Variants in TMEM132C observed in about 807,000 individuals in gnomAD.
TMEM132C encodes the protein transmembrane protein 132C.
In TMEM132C, 29 loss-of-function variants were observed where a neutral mutation model predicts 61.4. The observed-to-expected ratio is 0.47, with a 90% CI of 0.35 to 0.64. The LOEUF is 0.64. TMEM132C is among the 30% of genes least tolerant of loss of function. The probability of loss-of-function intolerance (pLI) is 0.00; values close to 1 mark genes in which losing one functional copy is unlikely to be tolerated. For missense variants in TMEM132C, 1,408 were observed against 1,476.9 expected (o/e 0.95, Z 0.76); for synonymous variants, 656 against 633.1 (o/e 1.04, Z -0.54).
intron 1 of TMEM132C, among the ~76,000 whole-genome samples, chr12:128,316,747 T>C (rs373514454): frequency 1.3e-5 from 2 of 152,174 alleles, no homozygotes; most frequent in South Asian, 2.1e-4. Flanking sequence ...TCAAGTTAAT[T>C]TTTTTGTCTC....
chr12:128,302,355 G>C, intron 1 of TMEM132C, among the ~76,000 whole-genome samples: 1 of 152,160 alleles, frequency 6.6e-6, no homozygotes, highest in Admixed American at 6.5e-5. Flanking sequence ...ATATTCTATA[G>C]GCAGCAGTAG....
In TMEM132C at chr12:128,296,048, C is replaced by G. The variant is rs181760908; in HGVS notation, c.85+28561C>G. ...CTCCCTTTCTTCCTAGTGTCCAAGTCCCTTTGTCTCTCTTTGTCCCCTATA... is the reference window on the plus strand; with the variant it reads ...CTCCCTTTCTTCCTAGTGTCCAAGTGCCTTTGTCTCTCTTTGTCCCCTATA... On this transcript the variant is annotated intron_variant, in intron 1 of 8. Coordinates refer to ENST00000435159, the MANE Select transcript of TMEM132C (RefSeq NM_001136103.3). 1.7e-3 allele frequency among the ~76,000 whole-genome samples: 257 copies of G among 152,288 alleles called. 2 individuals are homozygous for G. The highest frequency in any genetic ancestry group is 5.8e-3 in the African/African-American group (239 of 41,558).
chr12:128,453,130 C>T (rs529264236), intron 2 of TMEM132C, among the ~76,000 whole-genome samples: 6 of 152,248 alleles, frequency 3.9e-5, no homozygotes, highest in Admixed American at 1.3e-4. Flanking sequence ...TGCAGTGTGA[C>T]GGAGTGTCCC....
intron 1 of TMEM132C, among the ~76,000 whole-genome samples, chr12:128,381,592 C>T (rs1211041929): frequency 1.3e-5 from 2 of 152,124 alleles, no homozygotes; most frequent in African/African-American, 4.8e-5. Context: ...CTCAGTCCTT[C>T]CTAGGGAGTG....
At chr12:128,434,255 C>G (rs1433977534) in intron 2 of TMEM132C, among the ~76,000 whole-genome samples, 1 of 152,180 alleles carries the variant, frequency 6.6e-6, no homozygotes, top group Non-Finnish European at 1.5e-5. Context: ...ATTGCTGGAC[C>G]TCACTCTTAG....
chr12:128,648,569 G>A (rs1475315519), intron 4 of TMEM132C, among the ~76,000 whole-genome samples: 4 of 150,980 alleles, frequency 2.6e-5, no homozygotes, highest in African/African-American at 9.8e-5. Flanking sequence ...TGTGTTTACT[G>A]GAGTCCATCA....
At chr12:128,334,783 A>G (rs1872752865) in intron 1 of TMEM132C, among the ~76,000 whole-genome samples, 1 of 152,010 alleles carries the variant, frequency 6.6e-6, no homozygotes, top group Non-Finnish European at 1.5e-5. Context: ...GTTTTAGTAG[A>G]GACGGGATTT....
intron 1 of TMEM132C, among the ~76,000 whole-genome samples, chr12:128,353,889 G>A (rs767211253): frequency 6.6e-6 from 1 of 152,098 alleles, no homozygotes; most frequent in Non-Finnish European, 1.5e-5. Context: ...CTCGTATCAC[G>A]GGGTTGCTGT....
chr12:128,520,457 CCTTCCACTGG>C (rs1308484021), intron 2 of TMEM132C, among the ~76,000 whole-genome samples: 15 of 152,146 alleles, frequency 9.9e-5, no homozygotes, highest in African/African-American at 3.1e-4. Flanking sequence ...CTTGGTTCAC[CCTTCCACTGG>C]CTGGGAGACA....
chr12:128,374,910 G>T (rs1362074271), intron 1 of TMEM132C, among the ~76,000 whole-genome samples: 1 of 81,466 alleles, frequency 1.2e-5, no homozygotes, highest in Non-Finnish European at 2.5e-5. Flanking sequence ...GACAAACTCC[G>T]TCTGTCTCAA....
chr12:128,577,892 C>T (rs141669338), intron 3 of TMEM132C, among the ~76,000 whole-genome samples: 1 of 152,346 alleles, frequency 6.6e-6, no homozygotes, highest in African/African-American at 2.4e-5. Flanking sequence ...GAGGACTCTG[C>T]AGTGCCTTCA....
chr12:128,640,037 A>G (rs1218126630), intron 4 of TMEM132C, among the ~76,000 whole-genome samples: 1 of 152,220 alleles, frequency 6.6e-6, no homozygotes, highest in African/African-American at 2.4e-5. Context: ...CACAGACCAC[A>G]AGACAGAAAT....
intron 3 of TMEM132C, among the ~76,000 whole-genome samples, chr12:128,553,864 G>A (rs1874249975): frequency 6.6e-6 from 1 of 152,208 alleles, no homozygotes; most frequent in Non-Finnish European, 1.5e-5. Flanking sequence ...GGAAGAGGCA[G>A]GGAGCCAGGA....
chr12:128,707,257 G>A lies in TMEM132C; in HGVS notation c.*962G>A, dbSNP rs184655890. The A allele has an allele frequency of 4.6e-5, 7 of 152,258 alleles. No homozygotes were observed. Among genetic ancestry groups the A allele is most frequent in the East Asian group, 1.9e-4 (1 of 5,164 alleles). 9.4% of individuals were successfully genotyped at this position (152,258 alleles called of 1,614,324 possible). On this transcript the variant is annotated 3_prime_UTR_variant, in exon 9 of 9. Coordinates refer to ENST00000435159, the MANE Select transcript of TMEM132C (RefSeq NM_001136103.3). ...CCCCACCTGGACCACCTGACCCCTCGGGATTCCACCCCTGTCATCGTGGGG... is the reference window on the plus strand; with the variant it reads ...CCCCACCTGGACCACCTGACCCCTCAGGATTCCACCCCTGTCATCGTGGGG...
At chr12:128,449,136 CAAAAAAAA>C (rs141298455) in intron 2 of TMEM132C, among the ~76,000 whole-genome samples, 6 of 50,724 alleles carry the variant, frequency 1.2e-4, no homozygotes, top group East Asian at 5.3e-4. Context: ...GACTCTGTCT[CAAAAAAAA>C]AAAAAAAAAA....
chr12:128,531,819 G>C (rs969066301), intron 2 of TMEM132C, among the ~76,000 whole-genome samples: 9 of 128,364 alleles, frequency 7.0e-5, no homozygotes, highest in African/African-American at 3.5e-4. Context: ...TCTTAGCCTG[G>C]AAAAGGACAG....
At chr12:128,672,574 A>G (rs61940599) in intron 5 of TMEM132C, among the ~76,000 whole-genome samples, 6,847 of 152,280 alleles carry the variant, frequency 0.045, 186 homozygotes, top group Middle Eastern at 0.088. Flanking sequence ...ATGAATCCAG[A>G]GTTGATACCC....
At chr12:128,560,627 G>C (rs1874477391) in intron 3 of TMEM132C, among the ~76,000 whole-genome samples, 1 of 152,116 alleles carries the variant, frequency 6.6e-6, no homozygotes, top group Non-Finnish European at 1.5e-5. Flanking sequence ...TTGTTTCTTT[G>C]TTTGCCATCT....
chr12:128,701,695 T>C (rs2093369056), intron 8 of TMEM132C, among the ~76,000 whole-genome samples: 1 of 152,192 alleles, frequency 6.6e-6, no homozygotes, highest in African/African-American at 2.4e-5. Context: ...TTCACAGTTT[T>C]ATTTCTTGAT....
Sources: allele counts gnomAD v4.1 joint callset (sites outside exome capture counted in the v4.1 genomes callset), GRCh38; gene constraint gnomAD v4.1.1; transcripts MANE v1.5; gene names NCBI Gene and HGNC (gene_info 2026-07-23, HGNC 2026-07-21).